EPC1: variants seen among roughly 807,000 people sequenced by gnomAD.
EPC1 encodes the protein enhancer of polycomb homolog 1.
A neutral mutation model predicts 98.4 loss-of-function variants in EPC1; 12 were observed. That is an observed-to-expected ratio of 0.12 (90% CI 0.08 to 0.20). The LOEUF (loss-of-function observed/expected upper bound fraction) is 0.20. Ranked by LOEUF, EPC1 falls within the 10% of genes least tolerant of loss-of-function variation. EPC1 has a pLI of 1.00. For missense variants in EPC1, 729 were observed against 990.5 expected (o/e 0.74, Z 3.54); for synonymous variants, 357 against 363.9 (o/e 0.98, Z 0.21).
Position 32,275,646 on chromosome 10 carries a change from G to A in EPC1, c.1745-2365C>T, listed in dbSNP as rs567105546. ...AAAAATTAGCCGGGCGTGGTGGCACGTGCCTGTAGTCCCAGCTAGTTGGGA... is the reference window on the plus strand; with the variant it reads ...AAAAATTAGCCGGGCGTGGTGGCACATGCCTGTAGTCCCAGCTAGTTGGGA... On this transcript the variant is annotated intron_variant, in intron 10 of 13. Coordinates refer to ENST00000319778, the MANE Select transcript of EPC1 (RefSeq NM_001272004.3). Among the ~76,000 whole-genome samples the A allele has an allele frequency of 4.0e-5, 6 of 151,856 alleles. No homozygotes were observed. In the South Asian group the frequency reaches 8.3e-4, roughly 21 times the overall value.
At chr10:32,290,485 A>AAG (rs1836937916) in intron 6 of EPC1, among the ~76,000 whole-genome samples, 1 of 8,360 alleles carries the variant, frequency 1.2e-4, no homozygotes, top group African/African-American at 1.9e-4. Context: ...GACTCTGTCA[A>AAG]AAAAAAAAAA....
chr10:32,299,718 T>C (rs957035615), intron 2 of EPC1, among the ~76,000 whole-genome samples: 11 of 152,188 alleles, frequency 7.2e-5, no homozygotes, highest in African/African-American at 2.4e-4. Context: ...TATTCATCTG[T>C]TCCTCATAAG....
intron 10 of EPC1, among the ~76,000 whole-genome samples, chr10:32,276,079 C>T (rs1321037987): frequency 2.0e-5 from 3 of 152,110 alleles, no homozygotes; most frequent in Non-Finnish European, 4.4e-5. Context: ...ACAGAGCAAC[C>T]CTTAAGCTGT....
chr10:32,302,543 G>T (rs996594318), intron 2 of EPC1, among the ~76,000 whole-genome samples: 1 of 151,820 alleles, frequency 6.6e-6, no homozygotes. Context: ...CCAGCTACTC[G>T]GGAGGCTGAA....
At chr10:32,279,485 T>C (rs1836288637) in intron 10 of EPC1, among the ~76,000 whole-genome samples, 1 of 152,198 alleles carries the variant, frequency 6.6e-6, no homozygotes, top group South Asian at 2.1e-4. Flanking sequence ...AGGATTAAGA[T>C]GTTATGTTGC....
At chr10:32,300,248 A>T (rs57816835) in intron 2 of EPC1, among the ~76,000 whole-genome samples, 2 of 150,610 alleles carry the variant, frequency 1.3e-5, no homozygotes, top group Admixed American at 6.6e-5. Flanking sequence ...TTTTTTTTAA[A>T]TTTTTTTTTA....
chr10:32,320,555 A>C (rs899396417), intron 1 of EPC1, among the ~76,000 whole-genome samples: 7 of 152,184 alleles, frequency 4.6e-5, no homozygotes, highest in Non-Finnish European at 1.0e-4. Flanking sequence ...TGATCTTCCA[A>C]ATTAATAATA....
At chr10:32,307,572 C>T (rs1484701703) in intron 1 of EPC1, among the ~76,000 whole-genome samples, 1 of 152,114 alleles carries the variant, frequency 6.6e-6, no homozygotes, top group Non-Finnish European at 1.5e-5. Context: ...ATTCTAAACC[C>T]TCAGAATGCC....
At chr10:32,322,606 C>CT (rs145012796) in intron 1 of EPC1, among the ~76,000 whole-genome samples, 16,297 of 152,226 alleles carry the variant, frequency 0.11, 953 homozygotes, top group Admixed American at 0.13. Flanking sequence ...TGTTGTTACA[C>CT]TTACTTTATT....
At chr10:32,292,473 A>G (rs1834907677) in intron 5 of EPC1, 23 bp downstream of exon 5, 5 of 1,516,420 alleles carry the variant, frequency 3.3e-6, no homozygotes, top group Non-Finnish European at 4.5e-6. Context: ...TACTTCCTCT[A>G]ACATTATTAA....
Position 32,269,099 on chromosome 10 carries a change from G to A in EPC1, c.2406C>T (p.Asn802=), listed in dbSNP as rs375010257. ...NHESEKPALN[N]IADNTVAMEV... ...CCATCGCTACTGTGTTGTCTGCTAT[G>A]TTGTTCAGTGCTGGCTTTTCTGATT... Residue 802 remains asparagine (N), a synonymous_variant, in exon 14 of 14, where the codon AAC becomes AAT. Coordinates refer to ENST00000319778, the MANE Select transcript of EPC1 (RefSeq NM_001272004.3). 1.2e-4 allele frequency: 190 copies of A among 1,613,854 alleles called. No homozygotes were observed. The highest frequency in any genetic ancestry group is 1.6e-4 in the Non-Finnish European group (186 of 1,179,936).
Position 32,331,631 on chromosome 10 carries a change from ATAAG to A in EPC1, c.153+15128_153+15131del, listed in dbSNP as rs1837647919. Among the ~76,000 whole-genome samples, 3 of 152,200 alleles carry A rather than the reference ATAAG, an allele frequency of 2.0e-5. No individual in the cohort carries two copies. The South Asian group carries it at 6.2e-4, about 31-fold the overall frequency. The stretch of plus-strand genomic sequence containing the variant: ...AACATATAAACTATCCAAAGTAAAA[ATAAG>A]TATTTTAATATTTACAACAGGGACT... On this transcript the variant is annotated intron_variant, in intron 1 of 13. Transcript: ENST00000319778.
intron 1 of EPC1, among the ~76,000 whole-genome samples, chr10:32,366,326 T>A (rs1223165237): frequency 1.3e-5 from 2 of 152,190 alleles, no homozygotes; most frequent in African/African-American, 4.8e-5. Flanking sequence ...GTGAACTTAC[T>A]TCCTATAAAC....
intron 1 of EPC1, among the ~76,000 whole-genome samples, chr10:32,360,562 A>G (rs886973570): frequency 6.6e-6 from 1 of 152,158 alleles, no homozygotes; most frequent in African/African-American, 2.4e-5. Flanking sequence ...ATCTGAATCT[A>G]GTATTTACCA....
chr10:32,327,016 AAATC>A lies in EPC1; in HGVS notation c.153+19743_153+19746del, dbSNP rs1199290912. 4.0e-4 allele frequency among the ~76,000 whole-genome samples: 15 copies of A among 37,378 alleles called. 1 individual carries two copies. Among genetic ancestry groups the A allele is most frequent in the South Asian group, 1.3e-3 (1 of 756 alleles). The allele number at this position is 37,378 out of a possible 152,430, so 24.5% of individuals were successfully genotyped here. A position where few individuals can be genotyped will look rare whatever the true frequency, so the allele number is the denominator to read the frequency against. On this transcript the variant is annotated intron_variant, in intron 1 of 13. Coordinates refer to ENST00000319778, the MANE Select transcript of EPC1 (RefSeq NM_001272004.3). ...GGTCCTCAAAAAAAAAAAAAAAAAA[AAATC>A]AATGTAAATTACCATCAATAGATGA... is the stretch of plus-strand genomic sequence containing the variant.
chr10:32,290,505 A>AAAAAAAGAAAGAAAGAAAG (rs1554819136), intron 6 of EPC1, among the ~76,000 whole-genome samples: 1 of 77,526 alleles, frequency 1.3e-5, no homozygotes, highest in African/African-American at 5.5e-5. Flanking sequence ...AAAAAAAAAA[A>AAAAAAAGAAAGAAAGAAAG]AAAGAAAGAA....
intron 1 of EPC1, among the ~76,000 whole-genome samples, chr10:32,353,946 T>C (rs575104895): frequency 2.0e-5 from 3 of 152,314 alleles, no homozygotes; most frequent in South Asian, 2.1e-4. Context: ...AAGCCCTTTA[T>C]AGTATGTTGT....
Position 32,271,616 on chromosome 10 carries a change from G to T in EPC1, c.2307C>A (p.Ala769=). 1 of 1,614,062 alleles carries T rather than the reference G, an allele frequency of 6.2e-7. No homozygotes were observed. Among genetic ancestry groups the T allele is most frequent in the Non-Finnish European group, 8.5e-7 (1 of 1,179,994 alleles). The change falls in exon 13 of 14, where the codon GCC becomes GCA. Residue 769 remains alanine, a synonymous_variant. Coordinates refer to ENST00000319778, the MANE Select transcript of EPC1 (RefSeq NM_001272004.3). ...SAVPSSALKL[A]AAANCQVSKV... is the part of the protein sequence containing the mutation. Reference sequence around the variant, plus strand: ...TGGAAACTTGACAGTTTGCTGCAGCGGCCAGCTTTAAGGCAGATGATGGAA... The same window carrying T: ...TGGAAACTTGACAGTTTGCTGCAGCTGCCAGCTTTAAGGCAGATGATGGAA...
chr10:32,347,274 C>G (rs867915738), upstream of EPC1: 733 of 1,013,438 alleles, frequency 7.2e-4, 2 homozygotes, highest in African/African-American at 0.011. Flanking sequence ...GCGCGCGTCC[C>G]GCCAACCCCC....
Sources: gnomAD v4.1 joint callset for allele counts (sites outside exome capture counted in the v4.1 genomes callset) on GRCh38, gnomAD v4.1.1 for gene constraint, MANE v1.5 for transcripts, NCBI Gene and HGNC (gene_info 2026-07-23, HGNC 2026-07-21) for gene names.